Variants in EPS8 observed in about 807,000 individuals in gnomAD.
EPS8 encodes the protein EGFR pathway substrate 8, signaling adaptor.
Under a neutral mutation model 103.8 loss-of-function variants are expected in EPS8, and 42 were observed. That is an observed-to-expected ratio of 0.40 (90% CI 0.32 to 0.52). EPS8 has a LOEUF of 0.52. Ranked by LOEUF, EPS8 falls within the 20% of genes least tolerant of loss-of-function variation. The pLI is 0.40. For missense variants in EPS8, 969 were observed against 1,005.1 expected, an observed-to-expected ratio of 0.96 and a Z score of 0.49; for synonymous variants, 344 against 344.6, an observed-to-expected ratio of 1.00 and a Z score of 0.02.
Position 15,696,524 on chromosome 12 carries a change from C to A in EPS8, c.-21-13552G>T, listed in dbSNP as rs1291982821. ...GGCATGATGACATATACCTGTAATC[C>A]CAGCTACTCGGGAGGCTAAGGCAGA... On this transcript the variant is annotated intron_variant, in intron 1 of 20. Coordinates refer to ENST00000281172, the MANE Select transcript of EPS8 (RefSeq NM_004447.6). This position sits in a 1 kb window ranked among gnomAD's most constrained non-coding sequence, Gnocchi z 4.8. Among the ~76,000 whole-genome samples the A allele has an allele frequency of 6.6e-6, 1 of 151,948 alleles. No homozygotes were observed. The highest frequency in any genetic ancestry group is 1.5e-5 in the Non-Finnish European group (1 of 67,984).
At chr12:15,763,907 T>C (rs970944679) in intron 1 of EPS8, among the ~76,000 whole-genome samples, 1 of 152,252 alleles carries the variant, frequency 6.6e-6, no homozygotes, top group African/African-American at 2.4e-5. Context: ...GATTTCTTGC[T>C]ATTATGAAAA....
At position 15,779,274 on chromosome 12, in the gene EPS8, A is replaced by G. The variant is rs1947237029; in HGVS notation, c.-22+9887T>C. Among the ~76,000 whole-genome samples, 1 of 152,200 alleles carries G rather than the reference A, an allele frequency of 6.6e-6. No homozygotes were observed. The highest frequency in any genetic ancestry group is 3.2e-3 in the Middle Eastern group (1 of 316). On this transcript the variant is annotated intron_variant, in intron 1 of 20. Coordinates refer to ENST00000281172, the MANE Select transcript of EPS8 (RefSeq NM_004447.6). The surrounding 1 kb of genome is among the most constrained non-coding windows in gnomAD (Gnocchi z 4.3). ...ATTACAGGCGTGAGCCACCTTGCCC[A>G]GCAAAATGTAACAGACTTTTCACTA...
chr12:15,729,225 A>G (rs1295343696), intron 1 of EPS8, among the ~76,000 whole-genome samples: 1 of 151,976 alleles, frequency 6.6e-6, no homozygotes, highest in Non-Finnish European at 1.5e-5. Context: ...CTGTCTGTAG[A>G]TTTTTTGGTG....
rs1039619572 is a variant in EPS8, at chr12:15,736,961, A to T, written c.-22+52200T>A. Among the ~76,000 whole-genome samples, 1 of 152,206 alleles carries T rather than the reference A, an allele frequency of 6.6e-6. No individual in the cohort carries two copies. The highest frequency in any genetic ancestry group is 2.4e-5 in the African/African-American group (1 of 41,470). ...ATAAAATCTTCATATTTAAAGTAAC[A>T]TACTTTAATTCATGTAGCTAGACAG... On this transcript the variant is annotated intron_variant, in intron 1 of 20. Transcript: ENST00000281172. The surrounding 1 kb of genome is among the most constrained non-coding windows in gnomAD (Gnocchi z 4.2).
At chr12:15,641,674 C>T (rs371100319) in intron 16 of EPS8, 48 bp downstream of exon 16, 19 of 872,992 alleles carry the variant, frequency 2.2e-5, no homozygotes, top group African/African-American at 8.8e-5. Context: ...AAGAGTAATA[C>T]AATAAAACTA....
rs1946550254 is a variant in EPS8 at position 15,717,865 on chromosome 12, C to T, written c.-21-34893G>A. On this transcript the variant is annotated intron_variant, in intron 1 of 20. Coordinates refer to ENST00000281172, the MANE Select transcript of EPS8 (RefSeq NM_004447.6). The surrounding 1 kb of genome is among the most constrained non-coding windows in gnomAD (Gnocchi z 4.3). The stretch of plus-strand genomic sequence containing the variant: ...ATGTTTAGGAATGCATTAAGGGAAA[C>T]ACCACACAAACTTATTTGATTATGG... Among the ~76,000 whole-genome samples the T allele has an allele frequency of 6.6e-6, 1 of 152,184 alleles. No individual in the cohort carries two copies. The highest frequency in any genetic ancestry group is 6.5e-5 in the Admixed American group (1 of 15,280).
intron 1 of EPS8, among the ~76,000 whole-genome samples, chr12:15,694,460 A>G (rs1173071625): frequency 6.6e-6 from 1 of 152,240 alleles, no homozygotes; most frequent in Non-Finnish European, 1.5e-5. Flanking sequence ...ACTGTTCACG[A>G]AAAGCTCTTG....
At chr12:15,703,847 G>T (rs374987635) in intron 1 of EPS8, among the ~76,000 whole-genome samples, 589 of 61,152 alleles carry the variant, frequency 9.6e-3, no homozygotes, top group Middle Eastern at 0.052. Flanking sequence ...CTATGTATTT[G>T]TTTTTTTTTT....
At chr12:15,671,081 C>T (rs372158560) in intron 3 of EPS8, among the ~76,000 whole-genome samples, 158 bp from the exon 4 acceptor site, 27 of 151,968 alleles carry the variant, frequency 1.8e-4, no homozygotes, top group African/African-American at 6.0e-4. Context: ...ACTCATTATT[C>T]GCAGTAAATC....
chr12:15,642,130 A>T (rs1945242309), intron 15 of EPS8, among the ~76,000 whole-genome samples: 2 of 152,090 alleles, frequency 1.3e-5, no homozygotes, highest in Admixed American at 1.3e-4. Context: ...CATACTGGAT[A>T]TTATGTTAAT....
intron 1 of EPS8, among the ~76,000 whole-genome samples, chr12:15,687,275 C>G (rs987540470): frequency 7.9e-5 from 12 of 152,010 alleles, no homozygotes; most frequent in Non-Finnish European, 1.6e-4. Flanking sequence ...TATCAATTAA[C>G]AAAGAATTTT....
rs774899384 is a variant in EPS8, at chr12:15,760,069, T to TAAGA, written c.-22+29088_-22+29091dup. On this transcript the variant is annotated intron_variant, in intron 1 of 20. Coordinates refer to ENST00000281172, the MANE Select transcript of EPS8 (RefSeq NM_004447.6). This position sits in a 1 kb window ranked among gnomAD's most constrained non-coding sequence, Gnocchi z 4.5. ...AAAATTGATGAACCTTTAGCCATAC[T>TAAGA]AAGAAAGAAAGAAAGATCTAAGTAA... is the stretch of plus-strand genomic sequence containing the variant. Among the ~76,000 whole-genome samples the TAAGA allele has an allele frequency of 1.3e-5, 2 of 151,780 alleles. No individual in the cohort carries two copies. Among genetic ancestry groups the TAAGA allele is most frequent in the South Asian group, 4.1e-4 (2 of 4,826 alleles).
At chr12:15,775,898 C>T (rs139249444) in intron 1 of EPS8, among the ~76,000 whole-genome samples, 2 of 152,150 alleles carry the variant, frequency 1.3e-5, no homozygotes, top group African/African-American at 4.8e-5. Context: ...GATCAAGAAA[C>T]TAGATTGGGT....
intron 8 of EPS8, chr12:15,662,487 C>T: frequency 1.4e-5 from 14 of 996,666 alleles, no homozygotes; most frequent in Non-Finnish European, 1.7e-5. Context: ...AGTTCTAATG[C>T]AACAGAGCTA....
chr12:15,754,359 A>G (rs1392594896), intron 1 of EPS8, among the ~76,000 whole-genome samples: 2 of 152,248 alleles, frequency 1.3e-5, no homozygotes, highest in Non-Finnish European at 2.9e-5. Flanking sequence ...TTGGCAGGAA[A>G]GGGAAAAGCA....
Position 15,780,414 on chromosome 12 carries a change from C to G in EPS8, c.-22+8747G>C, listed in dbSNP as rs1163756061. On this transcript the variant is annotated intron_variant, in intron 1 of 20. Transcript: ENST00000281172. The surrounding 1 kb of genome is among the most constrained non-coding windows in gnomAD (Gnocchi z 4.1). ...TCTATGAGACTCAAACATCACCTTC[C>G]CCAGTAAAGACTTTTCTGACTCCCT... 6.6e-6 allele frequency among the ~76,000 whole-genome samples: 1 copy of G among 150,446 alleles called. No homozygotes were observed. The highest frequency in any genetic ancestry group is 6.7e-5 in the Admixed American group (1 of 14,954).
At chr12:15,663,935 A>AT (rs1248656121) in intron 8 of EPS8, among the ~76,000 whole-genome samples, 1,477 of 10,968 alleles carry the variant, frequency 0.13, 72 homozygotes, top group Middle Eastern at 0.21. Flanking sequence ...AAAAAAAAAA[A>AT]AAAAAAAAAA....
rs922293960 is a variant in EPS8, at chr12:15,760,730, C to T, written c.-22+28431G>A. Among the ~76,000 whole-genome samples, 7 of 152,022 alleles carry T rather than the reference C, an allele frequency of 4.6e-5. No homozygotes were observed. The highest frequency in any genetic ancestry group is 1.0e-4 in the Non-Finnish European group (7 of 67,926). On this transcript the variant is annotated intron_variant, in intron 1 of 20. Coordinates refer to ENST00000281172, the MANE Select transcript of EPS8 (RefSeq NM_004447.6). The surrounding 1 kb of genome is among the most constrained non-coding windows in gnomAD (Gnocchi z 4.5). Reference sequence around the variant, plus strand: ...ATCATATCAATTGATGCCAAAAATGCATTTGATTAAATTTAACATCCCTTC... The same window carrying T: ...ATCATATCAATTGATGCCAAAAATGTATTTGATTAAATTTAACATCCCTTC...
chr12:15,770,476 T>C (rs1300332473), intron 1 of EPS8, among the ~76,000 whole-genome samples: 1 of 152,116 alleles, frequency 6.6e-6, no homozygotes, highest in African/African-American at 2.4e-5. Context: ...ACTGTCTTAC[T>C]CATAATACAA....
Sources: gnomAD v4.1 joint callset for allele counts (sites outside exome capture counted in the v4.1 genomes callset) on GRCh38, gnomAD v4.1.1 for gene constraint, Gnocchi (gnomAD v3.1) non-coding constraint, MANE v1.5 for transcripts, NCBI Gene and HGNC (gene_info 2026-07-23, HGNC 2026-07-21) for gene names.